Variants in PREX2 observed in about 807,000 individuals in gnomAD.
PREX2 encodes the protein phosphatidylinositol-3,4,5-trisphosphate dependent Rac exchange factor 2.
PREX2 carries 107 observed loss-of-function variants against 203.2 expected under a neutral mutation model. The observed-to-expected ratio is 0.53, with a 90% CI of 0.45 to 0.62. The LOEUF is 0.62. PREX2 is among the 20% of genes least tolerant of loss of function. The pLI, the probability that PREX2 is intolerant of heterozygous loss-of-function variation, is 0.00. For synonymous variants in PREX2, 672 were observed against 663.6 expected (o/e 1.01, Z -0.19); for missense variants, 1,777 against 1,955.9 (o/e 0.91, Z 1.72).
intron 33 of PREX2, among the ~76,000 whole-genome samples, chr8:68,139,763 C>T (rs1465661070): frequency 3.3e-5 from 5 of 152,084 alleles, no homozygotes; most frequent in Non-Finnish European, 7.4e-5. Flanking sequence ...TTCATTTCCT[C>T]TGATGAATGA....
Position 68,087,780 on chromosome 8 carries a change from GC to G in PREX2, c.2087del (p.Pro696LeufsTer7). On this transcript the variant is annotated frameshift_variant, in exon 19 of 40. Transcript: ENST00000288368. LOFTEE classifies it high-confidence loss of function. ...CTTGGCTTCCAGATCCGGGGATTTG[GC>G]CCTTCTGTTGTGCATGCTGTAGGAA... is the stretch of plus-strand genomic sequence containing the variant. ...DGLGFQIRGFGPSVVHAVGRG... is the reference protein window; with the variant it reads ...DGLGFQIRGFXPSVVHAVGRG... 6.2e-7 allele frequency: 1 copy of G among 1,613,794 alleles called. No homozygotes were observed. Among genetic ancestry groups the G allele is most frequent in the South Asian group, 1.1e-5 (1 of 91,076 alleles).
intron 6 of PREX2, among the ~76,000 whole-genome samples, chr8:68,032,621 A>G (rs530813102): frequency 6.6e-6 from 1 of 152,214 alleles, no homozygotes; most frequent in South Asian, 2.1e-4. Context: ...AGTTCAGGAG[A>G]AATTGCTAGT....
In PREX2 at chr8:68,078,827, G is replaced by C. The variant is rs139431657; in HGVS notation, c.1642+1358G>C. ...ACCAACACAGTAATTTTATCTAAGC[G>C]TTTATTATAAAATATTGAGTTACAT... On this transcript the variant is annotated intron_variant, in intron 15 of 39. Transcript: ENST00000288368. Among the ~76,000 whole-genome samples the C allele has an allele frequency of 4.6e-5, 7 of 152,152 alleles. No individual in the cohort carries two copies. In the South Asian group the frequency reaches 1.2e-3, roughly 27 times the overall value.
rs67614434 is a variant in PREX2 at position 67,975,694 on chromosome 8, C to CTTTTTTTTTTTTTTTTTTTT, written c.141+23167_141+23186dup. ...TCAGGATAGTAACTGATTTCTCTTTCTTTTTTTTTTTTTTTTTTTTTTTTT... is the reference window on the plus strand; with the variant it reads ...TCAGGATAGTAACTGATTTCTCTTTCTTTTTTTTTTTTTTTTTTTTTTTTTTTTTTTTTTTTTTTTTTTTT... On this transcript the variant is annotated intron_variant, in intron 1 of 39. Coordinates refer to ENST00000288368, the MANE Select transcript of PREX2 (RefSeq NM_024870.4). Among the ~76,000 whole-genome samples the CTTTTTTTTTTTTTTTTTTTT allele has an allele frequency of 5.3e-5, 4 of 74,990 alleles. 1 individual carries two copies. Among genetic ancestry groups the CTTTTTTTTTTTTTTTTTTTT allele is most frequent in the African/African-American group, 1.2e-4 (2 of 16,840 alleles). The allele number at this position is 74,990 out of a possible 152,430, so 49.2% of individuals were successfully genotyped here. A position where few individuals can be genotyped will look rare whatever the true frequency, so the allele number is the denominator to read the frequency against.
chr8:68,018,458 ACTCTGTCT>A, intron 2 of PREX2, among the ~76,000 whole-genome samples: 1 of 151,988 alleles, frequency 6.6e-6, no homozygotes, highest in Non-Finnish European at 1.5e-5. Context: ...CAGGAGTGAG[ACTCTGTCT>A]CAAAATAAAT....
intron 11 of PREX2, among the ~76,000 whole-genome samples, chr8:68,064,673 G>A (rs998198249): frequency 2.9e-4 from 44 of 152,074 alleles, no homozygotes; most frequent in East Asian, 1.5e-3. Flanking sequence ...CCACCATGCC[G>A]GACCTGTAAA....
chr8:68,057,554 C>G (rs1479735522), intron 10 of PREX2, among the ~76,000 whole-genome samples: 1 of 152,188 alleles, frequency 6.6e-6, no homozygotes. Context: ...TATACTGTTG[C>G]TTGTAGGTAC....
chr8:68,167,172 G>A (rs1811777402), intron 35 of PREX2, among the ~76,000 whole-genome samples: 1 of 152,120 alleles, frequency 6.6e-6, no homozygotes, highest in African/African-American at 2.4e-5. Context: ...GATTCACACT[G>A]TGTCACTGTC....
At chr8:68,078,354 A>G (rs6989396) in intron 15 of PREX2, among the ~76,000 whole-genome samples, 81,117 of 151,902 alleles carry the variant, frequency 0.53, 21,671 homozygotes, top group South Asian at 0.56. Flanking sequence ...CTTGGTAGAG[A>G]TGGAGTTTCA....
At chr8:68,005,495 T>G (rs1050207425) in intron 1 of PREX2, among the ~76,000 whole-genome samples, 3 of 152,212 alleles carry the variant, frequency 2.0e-5, no homozygotes, top group Non-Finnish European at 4.4e-5. Flanking sequence ...ATCCATGACC[T>G]GCCCTCACCT....
chr8:68,088,477 T>C lies in PREX2; in HGVS notation c.2113+668T>C, dbSNP rs547309110. On this transcript the variant is annotated intron_variant, in intron 19 of 39. Coordinates refer to ENST00000288368, the MANE Select transcript of PREX2 (RefSeq NM_024870.4). ...TAGCATAAGAAGTCATGTGTTTATC[T>C]AACAAGAGACATACATGCTTTTTAT... 7.9e-5 allele frequency among the ~76,000 whole-genome samples: 12 copies of C among 152,350 alleles called. No individual in the cohort carries two copies. The South Asian group carries it at 2.5e-3, about 32-fold the overall frequency.
intron 8 of PREX2, 123 bp downstream of exon 8, chr8:68,044,713 T>C (rs1038848900): frequency 9.9e-6 from 7 of 708,206 alleles, no homozygotes; most frequent in Middle Eastern, 2.6e-4. Context: ...CTTTGTTAGG[T>C]AAAGTGGTTG....
intron 1 of PREX2, among the ~76,000 whole-genome samples, chr8:67,986,358 G>A (rs1304530118): frequency 6.6e-6 from 1 of 152,120 alleles, no homozygotes; most frequent in Admixed American, 6.5e-5. Context: ...GAAGTCTTGT[G>A]ATGGAGTTCC....
intron 1 of PREX2, among the ~76,000 whole-genome samples, chr8:67,956,518 A>C (rs1327789754): frequency 6.6e-6 from 1 of 152,206 alleles, no homozygotes; most frequent in African/African-American, 2.4e-5. Context: ...TGAAAGAAAA[A>C]AGCTTTATAT....
rs551704291 is a variant in PREX2, at chr8:68,222,296, C to A, written c.4708-2263C>A. Among the ~76,000 whole-genome samples the A allele has an allele frequency of 3.3e-5, 5 of 151,658 alleles. No homozygotes were observed. The East Asian group carries it at 9.7e-4, about 29-fold the overall frequency. ...CTTGGAGAATTGGTAAATTACCAGA[C>A]GAGAAAAGGAAGACAAGTCTGGAAC... is the stretch of plus-strand genomic sequence containing the variant. On this transcript the variant is annotated intron_variant, in intron 38 of 39. Coordinates refer to ENST00000288368, the MANE Select transcript of PREX2 (RefSeq NM_024870.4).
intron 4 of PREX2, among the ~76,000 whole-genome samples, chr8:68,022,657 G>A (rs1321000205): frequency 1.3e-5 from 2 of 152,176 alleles, no homozygotes; most frequent in Non-Finnish European, 2.9e-5. Context: ...CTAATCGCTA[G>A]TGAGGAGCAG....
intron 37 of PREX2, among the ~76,000 whole-genome samples, chr8:68,211,035 G>A (rs1003470671): frequency 2.6e-5 from 4 of 152,180 alleles, no homozygotes; most frequent in African/African-American, 9.7e-5. Context: ...AGGAGGGGAC[G>A]AGAGACACAC....
At chr8:67,996,687 A>G (rs1387820001) in intron 1 of PREX2, among the ~76,000 whole-genome samples, 2 of 152,148 alleles carry the variant, frequency 1.3e-5, no homozygotes, top group Non-Finnish European at 2.9e-5. Flanking sequence ...TTAATATATC[A>G]TTTTATCTTA....
chr8:67,997,964 A>C (rs1273955304), intron 1 of PREX2, among the ~76,000 whole-genome samples: 1 of 152,138 alleles, frequency 6.6e-6, no homozygotes, highest in Non-Finnish European at 1.5e-5. Flanking sequence ...ATTTTTAAAA[A>C]GTTTTACCTT....
Sources: gnomAD v4.1 joint callset for allele counts (sites outside exome capture counted in the v4.1 genomes callset) on GRCh38, gnomAD v4.1.1 for gene constraint, MANE v1.5 for transcripts, NCBI Gene and HGNC (gene_info 2026-07-23, HGNC 2026-07-21) for gene names.